TRPS1: variants seen among roughly 807,000 people sequenced by gnomAD.
The protein encoded by TRPS1 is zinc finger transcription factor Trps1.
Under a neutral mutation model 101.2 loss-of-function variants are expected in TRPS1, and 6 were observed. The ratio of observed to expected loss-of-function variants is 0.06; its 90% confidence interval spans 0.03 to 0.12. The LOEUF (loss-of-function observed/expected upper bound fraction) is 0.12, where lower values mean the gene tolerates loss of function less well. TRPS1 is among the 10% of genes least tolerant of loss of function. TRPS1 has a pLI of 1.00. For missense variants in TRPS1, 1,363 were observed against 1,567.0 expected (o/e 0.87, Z 2.20); for synonymous variants, 578 against 589.8 (o/e 0.98, Z 0.29).
At chr8:115,518,808 A>G (rs550491182) in intron 5 of TRPS1, among the ~76,000 whole-genome samples, 1 of 151,858 alleles carries the variant, frequency 6.6e-6, no homozygotes, top group Non-Finnish European at 1.5e-5. Flanking sequence ...GCCAGCGTCA[A>G]ACTAAACCAT....
chr8:115,661,540 T>C (rs1361420556), intron 1 of TRPS1: 1 of 152,032 alleles, frequency 6.6e-6, no homozygotes, highest in Non-Finnish European at 1.5e-5. Context: ...GACAAGCTAC[T>C]AAAAAATTAC....
In TRPS1 at chr8:115,427,299, A is replaced by G. The variant is rs145120541; in HGVS notation, c.2701-8847T>C. Among the ~76,000 whole-genome samples the G allele has an allele frequency of 1.1e-4, 17 of 152,242 alleles. No individual in the cohort carries two copies. The East Asian group carries it at 3.3e-3, about 29-fold the overall frequency. On this transcript the variant is annotated intron_variant, in intron 5 of 6. Transcript: ENST00000395715. ...CTCTAAAATAGATAAATAGAAAATT[A>G]ATTAAATAAAAAAGAATTTTTGAAT...
At chr8:115,488,429 G>A (rs922203947) in intron 5 of TRPS1, among the ~76,000 whole-genome samples, 5 of 152,118 alleles carry the variant, frequency 3.3e-5, no homozygotes, top group African/African-American at 4.8e-5. Flanking sequence ...GGTGGCTCAC[G>A]CCTGTAATCC....
chr8:115,632,830 G>A (rs749012545), intron 1 of TRPS1, among the ~76,000 whole-genome samples: 2 of 152,110 alleles, frequency 1.3e-5, no homozygotes, highest in Non-Finnish European at 2.9e-5. Flanking sequence ...CCTGGAGGAC[G>A]AAGAAAGAGA....
chr8:115,444,133 C>T (rs1328814894), intron 5 of TRPS1, among the ~76,000 whole-genome samples: 5 of 152,208 alleles, frequency 3.3e-5, no homozygotes, highest in Non-Finnish European at 5.9e-5. Flanking sequence ...TACATGGGAT[C>T]ACATGCCAGC....
chr8:115,528,971 C>T (rs886097147), intron 5 of TRPS1, among the ~76,000 whole-genome samples: 5 of 151,910 alleles, frequency 3.3e-5, no homozygotes, highest in Non-Finnish European at 5.9e-5. Context: ...CAATGGTTAC[C>T]GTTAAGAACC....
In TRPS1 at chr8:115,418,215, A is replaced by G; in HGVS notation, c.2823+115T>C. 1 of 1,575,122 alleles carries G rather than the reference A, an allele frequency of 6.3e-7. No homozygotes were observed. The highest frequency in any genetic ancestry group is 1.7e-5 in the Admixed American group (1 of 59,824). ...CATGTGCACTCAAAGTGACTGTATT[A>G]AAACAACCCTGCGGGGGCAGGCACT... is the stretch of plus-strand genomic sequence containing the variant. On this transcript the variant is annotated intron_variant, in intron 6 of 6. Coordinates refer to ENST00000395715, the MANE Select transcript of TRPS1 (RefSeq NM_014112.5). The surrounding 1 kb of genome is among the most constrained non-coding windows in gnomAD (Gnocchi z 4.3).
chr8:115,569,282 C>A (rs1412421515), intron 5 of TRPS1, among the ~76,000 whole-genome samples: 2 of 151,996 alleles, frequency 1.3e-5, no homozygotes, highest in Non-Finnish European at 2.9e-5. Flanking sequence ...CTAAGAAGAA[C>A]AGAAGAGCAG....
intron 1 of TRPS1, among the ~76,000 whole-genome samples, chr8:115,649,236 A>G (rs1563669659): frequency 6.6e-6 from 1 of 152,214 alleles, no homozygotes; most frequent in Non-Finnish European, 1.5e-5. Context: ...GCCTAAGGAG[A>G]AAGCAAATTG....
intron 5 of TRPS1, among the ~76,000 whole-genome samples, chr8:115,434,179 T>C (rs527378062): frequency 6.6e-6 from 1 of 152,300 alleles, no homozygotes; most frequent in Admixed American, 6.5e-5. Flanking sequence ...TGGTTTGACT[T>C]AATACAAAAG....
chr8:115,435,945 T>C (rs781376188), intron 5 of TRPS1, among the ~76,000 whole-genome samples: 7 of 151,416 alleles, frequency 4.6e-5, no homozygotes, highest in South Asian at 2.1e-4. Context: ...CATGTCTCGA[T>C]ACTAGGATTT....
At chr8:115,532,889 A>G (rs1447725194) in intron 5 of TRPS1, among the ~76,000 whole-genome samples, 1 of 152,170 alleles carries the variant, frequency 6.6e-6, no homozygotes, top group African/African-American at 2.4e-5. Context: ...CAAGAGCCAA[A>G]GAGGAACATT....
At position 115,553,178 on chromosome 8, in the gene TRPS1, C is replaced by A. The variant is rs7840093; in HGVS notation, c.2700+33823G>T. Among the ~76,000 whole-genome samples, 767 of 151,912 alleles carry A rather than the reference C, an allele frequency of 5.0e-3. 9 individuals carry two copies. The highest frequency in any genetic ancestry group is 0.018 in the African/African-American group (730 of 41,486). ...TTTTTATACATAACATTATATAAAT[C>A]ATAATATATTAAAATTTTTTATTAT... On this transcript the variant is annotated intron_variant, in intron 5 of 6. Coordinates refer to ENST00000395715, the MANE Select transcript of TRPS1 (RefSeq NM_014112.5).
At chr8:115,424,170 T>C (rs1354083084) in intron 5 of TRPS1, among the ~76,000 whole-genome samples, 1 of 152,230 alleles carries the variant, frequency 6.6e-6, no homozygotes, top group Non-Finnish European at 1.5e-5. Flanking sequence ...TTTTTTATGG[T>C]TTTATATCTT....
chr8:115,572,898 C>A (rs912514982), intron 5 of TRPS1, among the ~76,000 whole-genome samples: 1 of 151,954 alleles, frequency 6.6e-6, no homozygotes, highest in Non-Finnish European at 1.5e-5. Flanking sequence ...TTTGGGAGGC[C>A]GAGGTGGGTG....
intron 5 of TRPS1, among the ~76,000 whole-genome samples, chr8:115,433,787 T>G (rs758975852): frequency 1.3e-5 from 2 of 152,164 alleles, no homozygotes; most frequent in Non-Finnish European, 2.9e-5. Flanking sequence ...CTGCTTCTGA[T>G]GGGTCCACCA....
intron 5 of TRPS1, among the ~76,000 whole-genome samples, chr8:115,500,818 C>A (rs1478876284): frequency 6.6e-6 from 1 of 152,110 alleles, no homozygotes; most frequent in Admixed American, 6.5e-5. Flanking sequence ...TGTAATCTGC[C>A]CGCCTCGGCC....
intron 5 of TRPS1, among the ~76,000 whole-genome samples, chr8:115,517,550 C>CA (rs1815747234): frequency 1.2e-5 from 1 of 80,662 alleles, no homozygotes; most frequent in African/African-American, 4.9e-5. Flanking sequence ...AACATTATAA[C>CA]AACAAAAATT....
intron 1 of TRPS1, among the ~76,000 whole-genome samples, chr8:115,652,352 T>G (rs187692173): frequency 1.8e-4 from 28 of 152,324 alleles, no homozygotes; most frequent in Admixed American, 7.2e-4. Context: ...GATTTGGGGA[T>G]TCAATATTTT....
Sources: gnomAD v4.1 joint callset for allele counts (sites outside exome capture counted in the v4.1 genomes callset) on GRCh38, gnomAD v4.1.1 for gene constraint, Gnocchi (gnomAD v3.1) non-coding constraint, MANE v1.5 for transcripts, NCBI Gene and HGNC (gene_info 2026-07-23, HGNC 2026-07-21) for gene names.